Variants in LRCH1 observed in about 807,000 individuals in gnomAD.
The protein encoded by LRCH1 is leucine rich repeats and calponin homology domain containing 1.
Under a neutral mutation model 94.9 loss-of-function variants are expected in LRCH1, and 23 were observed. The ratio of observed to expected loss-of-function variants is 0.24; its 90% CI spans 0.17 to 0.34. LRCH1 has a LOEUF of 0.34. Ranked by LOEUF, LRCH1 falls within the 10% of genes least tolerant of loss-of-function variation. The pLI is 1.00. For missense variants in LRCH1, 790 were observed against 945.9 expected (o/e 0.84, Z 2.16); for synonymous variants, 364 against 354.9 (o/e 1.03, Z -0.29).
intron 1 of LRCH1, among the ~76,000 whole-genome samples, chr13:46,613,611 A>G (rs2050772082): frequency 6.6e-6 from 1 of 152,098 alleles, no homozygotes; most frequent in African/African-American, 2.4e-5. Flanking sequence ...TGCGCATTAG[A>G]ATCACCCTGG....
At position 46,553,401 on chromosome 13, in the gene LRCH1, C is replaced by T; in HGVS notation, c.5C>T (p.Ala2Val). Reference protein sequence around the residue: MATPGSEPQPFV... With the variant: MVTPGSEPQPFV... Reference sequence around the variant, plus strand: ...GGTGGGGGGGCCCGGGAGAAGATGGCGACGCCGGGAAGCGAACCCCAACCT... The same window carrying T: ...GGTGGGGGGGCCCGGGAGAAGATGGTGACGCCGGGAAGCGAACCCCAACCT... The change falls in exon 1 of 20, where the codon GCG (alanine) becomes GTG (valine). Residue 2 changes from alanine (A) to valine (V), a missense_variant. Physicochemically the swap from Ala to Val is moderately conservative, Grantham distance 64. Around this residue, in one of 3 missense-constraint regions of LRCH1, gnomAD observed 136 missense variants for 143.5 expected, o/e 0.95. Transcript: ENST00000389797. The T allele has an allele frequency of 6.5e-7, 1 of 1,536,364 alleles. No homozygotes were observed. Among genetic ancestry groups the T allele is most frequent in the African/African-American group, 1.4e-5 (1 of 72,922 alleles).
chr13:46,641,971 A>ACGTG (rs1454603860), intron 1 of LRCH1, among the ~76,000 whole-genome samples: 4 of 152,122 alleles, frequency 2.6e-5, no homozygotes, highest in Non-Finnish European at 4.4e-5. Flanking sequence ...CGTGGGGAGG[A>ACGTG]CGTGGTTCTG....
chr13:46,708,343 C>T (rs1004448362), intron 13 of LRCH1, among the ~76,000 whole-genome samples: 1 of 147,556 alleles, frequency 6.8e-6, no homozygotes, highest in African/African-American at 2.5e-5. Context: ...ACAATCTCGG[C>T]TCACTGCAAC....
chr13:46,686,141 A>T, intron 5 of LRCH1, 100 bp downstream of exon 5: 1 of 1,211,690 alleles, frequency 8.3e-7, no homozygotes, highest in Non-Finnish European at 1.1e-6. Flanking sequence ...GCTGAAAATC[A>T]CTAATCACTG....
At chr13:46,690,009 G>A (rs1334948019) in intron 7 of LRCH1, among the ~76,000 whole-genome samples, 1 of 151,898 alleles carries the variant, frequency 6.6e-6, no homozygotes, top group Non-Finnish European at 1.5e-5. Flanking sequence ...CTGTGAAATT[G>A]CAGTTAATAG....
intron 1 of LRCH1, among the ~76,000 whole-genome samples, chr13:46,569,762 AT>A (rs1467432830): frequency 4.6e-5 from 7 of 152,166 alleles, no homozygotes; most frequent in African/African-American, 1.4e-4. Flanking sequence ...GTGTTCCCAT[AT>A]GTTCCAGGTT....
At chr13:46,564,503 C>T (rs9562670) in intron 1 of LRCH1, among the ~76,000 whole-genome samples, 53,345 of 151,694 alleles carry the variant, frequency 0.35, 11,583 homozygotes, top group East Asian at 0.5. Context: ...GGCCAGGGGT[C>T]GGAGGTTCCC....
At position 46,733,790 on chromosome 13, in the gene LRCH1, T is replaced by C. The variant is rs375309049; in HGVS notation, c.2008-131T>C. 7.5e-4 allele frequency: 423 copies of C among 562,484 alleles called. 7 individuals carry two copies. In the South Asian group the frequency reaches 9.7e-3, roughly 13 times the overall value. The allele number at this position is 562,484 out of a possible 1,614,324, so 34.8% of individuals were successfully genotyped here. A position where few individuals can be genotyped will look rare whatever the true frequency, so the allele number is the denominator to read the frequency against. The stretch of plus-strand genomic sequence containing the variant: ...TGATATTTTGTTTTCTTCTATTTGC[T>C]TATGTGTTATTTTCTTTTGCTCCAA... On this transcript the variant is annotated intron_variant, in intron 18 of 19. Coordinates refer to ENST00000389797, the MANE Select transcript of LRCH1 (RefSeq NM_001164211.2).
In LRCH1 at chr13:46,741,874, T is replaced by C; in HGVS notation, c.*26T>C. 1 of 1,612,786 alleles carries C rather than the reference T, an allele frequency of 6.2e-7. No homozygotes were observed. The highest frequency in any genetic ancestry group is 8.5e-7 in the Non-Finnish European group (1 of 1,179,766). ...TGTCTGCACGTGCATCCAAACGCTGTGCTCTGTCGCCCTCAACCTTTGCAG... is the reference window on the plus strand; with the variant it reads ...TGTCTGCACGTGCATCCAAACGCTGCGCTCTGTCGCCCTCAACCTTTGCAG... On this transcript the variant is annotated 3_prime_UTR_variant, in exon 20 of 20. Transcript: ENST00000389797.
At position 46,743,739 on chromosome 13, in the gene LRCH1, A is replaced by C; in HGVS notation, c.*1891A>C. The C allele has an allele frequency of 1.0e-6, 1 of 985,392 alleles. No individual in the cohort carries two copies. The highest frequency in any genetic ancestry group is 1.2e-6 in the Non-Finnish European group (1 of 829,914). The allele number at this position is 985,392 out of a possible 1,614,324, so 61.0% of individuals were successfully genotyped here. A position where few individuals can be genotyped will look rare whatever the true frequency, so the allele number is the denominator to read the frequency against. On this transcript the variant is annotated 3_prime_UTR_variant, in exon 20 of 20. Transcript: ENST00000389797. ...TCTTTCTGGGGAGAAAATGGGAAAA[A>C]AAAAAAGAAAACTTACTGGGTTGCC...
intron 1 of LRCH1, among the ~76,000 whole-genome samples, chr13:46,579,467 T>TC (rs1349160490): frequency 6.6e-6 from 1 of 151,772 alleles, no homozygotes; most frequent in African/African-American, 2.4e-5. Flanking sequence ...TCTTTTCTTT[T>TC]TTTTTTTTAA....
intron 1 of LRCH1, among the ~76,000 whole-genome samples, chr13:46,601,175 T>C (rs749597593): frequency 1.3e-5 from 2 of 152,206 alleles, no homozygotes; most frequent in Non-Finnish European, 1.5e-5. Context: ...GCCGGTTTTG[T>C]TTTTCTTTTT....
chr13:46,643,958 T>A (rs1008270551), intron 1 of LRCH1, among the ~76,000 whole-genome samples: 2 of 152,216 alleles, frequency 1.3e-5, no homozygotes, highest in African/African-American at 4.8e-5. Context: ...ACGAAGACCA[T>A]GTCGACTTTA....
Position 46,696,960 on chromosome 13 carries a change from C to T in LRCH1, c.1245+1943C>T, listed in dbSNP as rs193120911. Among the ~76,000 whole-genome samples the T allele has an allele frequency of 1.3e-3, 194 of 152,252 alleles. 1 individual carries two copies. The highest frequency in any genetic ancestry group is 4.4e-3 in the African/African-American group (183 of 41,536). Reference sequence around the variant, plus strand: ...GTGTGCTCCTTGAGTCTCAGCTACTCAGGACACTGAGGAGGGAAGATCACT... The same window carrying T: ...GTGTGCTCCTTGAGTCTCAGCTACTTAGGACACTGAGGAGGGAAGATCACT... On this transcript the variant is annotated intron_variant, in intron 9 of 19. Transcript: ENST00000389797.
intron 2 of LRCH1, among the ~76,000 whole-genome samples, chr13:46,654,223 C>T (rs576456310): frequency 7.2e-4 from 110 of 152,252 alleles, no homozygotes; most frequent in Admixed American, 1.3e-3. Flanking sequence ...ACTACCACCC[C>T]ACTCCCAGCC....
intron 18 of LRCH1, among the ~76,000 whole-genome samples, chr13:46,733,568 C>T (rs994833443): frequency 4.6e-5 from 7 of 151,790 alleles, no homozygotes; most frequent in Admixed American, 1.3e-4. Context: ...TATAAACATA[C>T]GTGTGTATAC....
chr13:46,575,760 A>G (rs560827549), intron 1 of LRCH1, among the ~76,000 whole-genome samples: 18 of 152,234 alleles, frequency 1.2e-4, no homozygotes, highest in African/African-American at 3.4e-4. Flanking sequence ...CCTAATTTAT[A>G]TTTAGGTAAG....
At chr13:46,584,293 A>T (rs2050406566) in intron 1 of LRCH1, among the ~76,000 whole-genome samples, 1 of 152,126 alleles carries the variant, frequency 6.6e-6, no homozygotes, top group South Asian at 2.1e-4. Context: ...TTCACATGTG[A>T]TTTGAGAGCT....
At chr13:46,568,771 G>T (rs967183416) in intron 1 of LRCH1, among the ~76,000 whole-genome samples, 1 of 152,150 alleles carries the variant, frequency 6.6e-6, no homozygotes, top group Non-Finnish European at 1.5e-5. Flanking sequence ...TCTTAGAATG[G>T]TGAGTACATA....
Sources: gnomAD v4.1 joint callset for allele counts (sites outside exome capture counted in the v4.1 genomes callset) on GRCh38, gnomAD v4.1.1 for gene constraint, gnomAD v4.1.1 regional missense constraint, MANE v1.5 for transcripts, NCBI Gene and HGNC (gene_info 2026-07-23, HGNC 2026-07-21) for gene names.